The following WWOX variants were observed in gnomAD, a reference collection of about 807,000 sequenced individuals.
WWOX encodes the protein WW domain-containing oxidoreductase.
Under a neutral mutation model 46.2 loss-of-function variants are expected in WWOX, and 69 were observed. The observed-to-expected ratio is 1.49, with a 90% CI of 1.23 to 1.82. The LOEUF (loss-of-function observed/expected upper bound fraction) is 1.82. Among genes scored for constraint, WWOX ranks in the 40% most tolerant of loss-of-function variants. The probability of loss-of-function intolerance (pLI) is 0.00; values close to 1 mark genes in which losing one functional copy is unlikely to be tolerated. For synonymous variants in WWOX, 359 were observed against 202.6 expected, an observed-to-expected ratio of 1.77 and a Z score of -6.56; for missense variants, 919 against 542.6, an observed-to-expected ratio of 1.69 and a Z score of -6.89.
intron 8 of WWOX, among the ~76,000 whole-genome samples, chr16:78,563,411 C>G (rs1436674670): frequency 6.6e-6 from 1 of 150,818 alleles, no homozygotes; most frequent in Admixed American, 6.6e-5. Flanking sequence ...GGTATTGAAG[C>G]CAAAAATTGA....
At chr16:78,740,526 G>C (rs2049194350) in intron 8 of WWOX, among the ~76,000 whole-genome samples, 1 of 152,184 alleles carries the variant, frequency 6.6e-6, no homozygotes, top group African/African-American at 2.4e-5. Context: ...TTAGGAGCTA[G>C]AATTCAGAGT....
At chr16:78,394,946 A>G (rs1464433520) in intron 6 of WWOX, among the ~76,000 whole-genome samples, 1 of 152,178 alleles carries the variant, frequency 6.6e-6, no homozygotes. Flanking sequence ...TCTCAGCGTC[A>G]CTTTCCAAGT....
chr16:78,433,726 C>G (rs1051233107), intron 8 of WWOX, among the ~76,000 whole-genome samples: 9 of 149,546 alleles, frequency 6.0e-5, no homozygotes, highest in Non-Finnish European at 8.9e-5. Context: ...CTGCTGCCTT[C>G]TCTTACACTC....
intron 8 of WWOX, among the ~76,000 whole-genome samples, chr16:78,729,331 G>A (rs891809478): frequency 6.7e-6 from 1 of 149,830 alleles, no homozygotes; most frequent in Admixed American, 6.7e-5. Flanking sequence ...AGCAGAGCAA[G>A]ACCCTGCCTC....
chr16:78,838,912 G>A (rs1358143924), intron 8 of WWOX, among the ~76,000 whole-genome samples: 1 of 152,072 alleles, frequency 6.6e-6, no homozygotes, highest in Non-Finnish European at 1.5e-5. Flanking sequence ...AGAGGAGTGG[G>A]GGGTGAGTGG....
chr16:79,006,133 C>G (rs982113613), intron 8 of WWOX, among the ~76,000 whole-genome samples: 11 of 152,166 alleles, frequency 7.2e-5, no homozygotes, highest in African/African-American at 2.4e-4. Context: ...TGGCTGGCAA[C>G]AAAGACAATG....
chr16:78,581,799 C>T (rs1567659762), intron 8 of WWOX, among the ~76,000 whole-genome samples: 1 of 152,098 alleles, frequency 6.6e-6, no homozygotes, highest in Non-Finnish European at 1.5e-5. Flanking sequence ...AAAAGTTTTC[C>T]CCATACCAAC....
intron 8 of WWOX, among the ~76,000 whole-genome samples, chr16:79,031,544 C>A (rs899912985): frequency 6.6e-6 from 1 of 151,872 alleles, no homozygotes; most frequent in Non-Finnish European, 1.5e-5. Context: ...GCTACACCCC[C>A]CTGTGGATGT....
At chr16:78,144,450 C>CATATATATATATATATACACATATAT (rs1555543045) in intron 4 of WWOX, among the ~76,000 whole-genome samples, 2 of 24,936 alleles carry the variant, frequency 8.0e-5, no homozygotes, top group Non-Finnish European at 1.5e-4. Context: ...TATATATACA[C>CATATATATATATATATACACATATAT]ATATATATAT....
chr16:78,347,025 G>C (rs1025450410), intron 5 of WWOX, among the ~76,000 whole-genome samples: 4 of 119,118 alleles, frequency 3.4e-5, no homozygotes, highest in African/African-American at 1.1e-4. Flanking sequence ...GCGCCCGGTG[G>C]TCATATCTCT....
intron 5 of WWOX, among the ~76,000 whole-genome samples, chr16:78,182,411 G>C (rs1258644110): frequency 1.3e-5 from 2 of 151,914 alleles, no homozygotes; most frequent in Admixed American, 1.3e-4. Flanking sequence ...AAACCTTCCT[G>C]TCTCTCTGCA....
At chr16:78,996,322 G>A (rs111833270) in intron 8 of WWOX, 30 of 983,680 alleles carry the variant, frequency 3.0e-5, no homozygotes, top group African/African-American at 1.6e-4. Context: ...TTTTTCTACC[G>A]TGACAGAAGA....
chr16:79,151,590 C>G (rs933408753), intron 8 of WWOX, among the ~76,000 whole-genome samples: 1 of 152,270 alleles, frequency 6.6e-6, no homozygotes, highest in Admixed American at 6.5e-5. Context: ...ACCTCACCCT[C>G]TGCTTATGGG....
At position 78,230,888 on chromosome 16, in the gene WWOX, T is replaced by G. The variant is rs191983314; in HGVS notation, c.516+66599T>G. Among the ~76,000 whole-genome samples, 31 of 152,368 alleles carry G rather than the reference T, an allele frequency of 2.0e-4. No individual in the cohort carries two copies. The East Asian group carries it at 5.8e-3, about 28-fold the overall frequency. On this transcript the variant is annotated intron_variant, in intron 5 of 8. Transcript: ENST00000566780. ...ATTCTCCATGCCACTCCTTATCTCT[T>G]TAGTGCAGAAAACGGAGAGGAGGTT...
chr16:78,463,792 TAA>T (rs920738535), intron 8 of WWOX, among the ~76,000 whole-genome samples: 3 of 152,222 alleles, frequency 2.0e-5, no homozygotes, highest in African/African-American at 7.2e-5. Flanking sequence ...TATGATCAAG[TAA>T]AGAGTTTAAA....
At chr16:78,385,134 A>AACACACACACAC (rs61262578) in intron 5 of WWOX, among the ~76,000 whole-genome samples, 67,935 of 142,804 alleles carry the variant, frequency 0.48, 17,313 homozygotes, top group Non-Finnish European at 0.58. Context: ...ACTCCATCTA[A>AACACACACACAC]ACACACACAC....
At chr16:78,655,747 A>G (rs1333767932) in intron 8 of WWOX, among the ~76,000 whole-genome samples, 1 of 152,174 alleles carries the variant, frequency 6.6e-6, no homozygotes, top group Non-Finnish European at 1.5e-5. Context: ...ATTTTCTGAT[A>G]TGTTCTTCTG....
chr16:78,555,211 C>T (rs1048773625), intron 8 of WWOX, among the ~76,000 whole-genome samples: 32 of 149,714 alleles, frequency 2.1e-4, no homozygotes, highest in African/African-American at 7.9e-4. Flanking sequence ...TCAGAATCCT[C>T]ATTGGAGGCA....
intron 8 of WWOX, among the ~76,000 whole-genome samples, chr16:78,644,589 G>C (rs574002833): frequency 6.6e-6 from 1 of 152,006 alleles, no homozygotes; most frequent in Non-Finnish European, 1.5e-5. Flanking sequence ...AGCCTCCCAA[G>C]TACCTGGGAT....
Sources: allele counts gnomAD v4.1 joint callset (sites outside exome capture counted in the v4.1 genomes callset), GRCh38; gene constraint gnomAD v4.1.1; transcripts MANE v1.5; gene names NCBI Gene and HGNC (gene_info 2026-07-23, HGNC 2026-07-21).